KLF12: variants seen among roughly 807,000 people sequenced by gnomAD.
KLF12 encodes Krueppel-like factor 12.
Under a neutral mutation model 37.8 loss-of-function variants are expected in KLF12, and 9 were observed. That is an observed-to-expected ratio of 0.24 (90% confidence interval 0.14 to 0.42). The LOEUF is 0.42. Among genes scored for constraint, KLF12 ranks in the 10% least tolerant of loss-of-function variants. KLF12 has a pLI of 1.00. For missense variants in KLF12, 411 were observed against 516.0 expected (o/e 0.80, Z 1.97); for synonymous variants, 208 against 202.1 (o/e 1.03, Z -0.25).
intron 1 of KLF12, among the ~76,000 whole-genome samples, chr13:74,012,174 G>A (rs1016104298): frequency 6.6e-6 from 1 of 152,214 alleles, no homozygotes; most frequent in Non-Finnish European, 1.5e-5. Context: ...TGTGCAGAAT[G>A]TATTTGATGC....
At chr13:74,170,805 C>G in the KLF12 span, among the ~76,000 whole-genome samples, 1 of 152,218 alleles carries the variant, frequency 6.6e-6, no homozygotes, top group Non-Finnish European at 1.5e-5. Context: ...CACTCTGTCA[C>G]TCAGGCTGGA....
At chr13:73,924,862 T>C (rs1203321075) in intron 3 of KLF12, among the ~76,000 whole-genome samples, 1 of 152,204 alleles carries the variant, frequency 6.6e-6, no homozygotes, top group Non-Finnish European at 1.5e-5. Flanking sequence ...AACAACTTTA[T>C]TGCTGATATG....
chr13:73,936,226 T>C (rs1219089184), intron 3 of KLF12, among the ~76,000 whole-genome samples: 1 of 152,214 alleles, frequency 6.6e-6, no homozygotes, highest in African/African-American at 2.4e-5. Context: ...GTGTATTCTT[T>C]GGAGTGCATT....
At chr13:73,724,811 A>C (rs1178861246) in intron 6 of KLF12, among the ~76,000 whole-genome samples, 1 of 152,216 alleles carries the variant, frequency 6.6e-6, no homozygotes, top group Non-Finnish European at 1.5e-5. Flanking sequence ...GTTAGAGCTA[A>C]ACAGTGGGTT....
the KLF12 span, among the ~76,000 whole-genome samples, chr13:74,232,425 T>C: frequency 6.6e-6 from 1 of 152,228 alleles, no homozygotes; most frequent in South Asian, 2.1e-4. Context: ...TTGACCTTGA[T>C]AATTTATTCA....
intron 2 of KLF12, among the ~76,000 whole-genome samples, chr13:73,959,942 CT>C (rs951200388): frequency 2.6e-5 from 4 of 151,968 alleles, no homozygotes; most frequent in African/African-American, 7.3e-5. Context: ...AAAATGCAAG[CT>C]TTTTTTGTTT....
At chr13:74,005,755 T>C (rs887539862) in intron 1 of KLF12, among the ~76,000 whole-genome samples, 2 of 152,226 alleles carry the variant, frequency 1.3e-5, no homozygotes, top group Non-Finnish European at 2.9e-5. Flanking sequence ...TGGAGATCTT[T>C]ATAAATGGCA....
At chr13:73,824,217 AAGAG>A (rs1389945165) in intron 4 of KLF12, among the ~76,000 whole-genome samples, 2 of 152,236 alleles carry the variant, frequency 1.3e-5, no homozygotes, top group African/African-American at 4.8e-5. Flanking sequence ...CACACTTCAC[AAGAG>A]TTACTGTGCG....
chr13:74,038,897 T>C (rs1241240624), intron 1 of KLF12, among the ~76,000 whole-genome samples: 1 of 151,682 alleles, frequency 6.6e-6, no homozygotes, highest in African/African-American at 2.4e-5. Flanking sequence ...TTAGGGACGA[T>C]AACATCCCAG....
At chr13:74,045,013 G>A (rs1893503696) in intron 1 of KLF12, among the ~76,000 whole-genome samples, 1 of 152,118 alleles carries the variant, frequency 6.6e-6, no homozygotes. Flanking sequence ...TAGATAAGGG[G>A]GATGAGACAA....
chr13:74,018,790 T>C (rs1312528431), intron 1 of KLF12, among the ~76,000 whole-genome samples: 2 of 152,206 alleles, frequency 1.3e-5, no homozygotes, highest in Non-Finnish European at 2.9e-5. Flanking sequence ...GGGCCACTGT[T>C]CAGATCATTC....
At chr13:74,302,332 CA>C in the KLF12 span, among the ~76,000 whole-genome samples, 1 of 152,110 alleles carries the variant, frequency 6.6e-6, no homozygotes, top group Non-Finnish European at 1.5e-5. Context: ...ACTTCACTTA[CA>C]AAAATAATGG....
intron 5 of KLF12, chr13:73,801,642 G>T (rs2138346810): frequency 6.6e-6 from 1 of 152,152 alleles, no homozygotes; most frequent in Non-Finnish European, 1.5e-5. Flanking sequence ...AAAGCTACAG[G>T]AAGATATCAC....
chr13:73,787,361 A>G (rs998901401), intron 5 of KLF12, among the ~76,000 whole-genome samples: 3 of 152,226 alleles, frequency 2.0e-5, no homozygotes, highest in Non-Finnish European at 4.4e-5. Flanking sequence ...TCAGAGAGGC[A>G]AATTTGTACT....
intron 1 of KLF12, among the ~76,000 whole-genome samples, chr13:74,034,977 C>A (rs758176434): frequency 6.6e-6 from 1 of 152,194 alleles, no homozygotes; most frequent in Non-Finnish European, 1.5e-5. Context: ...CATCTGTAGT[C>A]AAATATTACT....
the KLF12 span, among the ~76,000 whole-genome samples, chr13:74,248,522 G>C: frequency 1.3e-5 from 2 of 152,190 alleles, no homozygotes; most frequent in African/African-American, 4.8e-5. Flanking sequence ...TATAATTTCA[G>C]CCAATGCTTA....
At position 73,846,037 on chromosome 13, in the gene KLF12, C is replaced by T. The variant is rs763915082; in HGVS notation, c.460G>A (p.Gly154Ser). Residue 154 changes from glycine (G) to serine (S), a missense_variant, in exon 4 of 8, where the codon GGT (glycine) becomes AGT (serine). By Grantham distance (56) the Gly-to-Ser change is moderately conservative. Around this residue, in one of 2 missense-constraint regions of KLF12, gnomAD observed 351 missense variants for 397.8 expected, o/e 0.88. Coordinates refer to ENST00000377669, the MANE Select transcript of KLF12 (RefSeq NM_007249.5). ...TGCAAAAACTGCTGGCCTCCAACAC[C>T]AGATGCAGAGGCCACAAGGGGCCCT... The T allele has an allele frequency of 8.7e-6, 14 of 1,613,998 alleles. No individual in the cohort carries two copies. Among genetic ancestry groups the T allele is most frequent in the Non-Finnish European group, 1.2e-5 (14 of 1,179,930 alleles).
rs1378859472 is a variant in KLF12 at position 73,691,232 on chromosome 13, G to A, written c.*4258C>T. 1.3e-5 allele frequency: 2 copies of A among 152,638 alleles called. No individual in the cohort carries two copies. The highest frequency in any genetic ancestry group is 2.9e-5 in the Non-Finnish European group (2 of 68,026). 9.5% of individuals were successfully genotyped at this position (152,638 alleles called of 1,614,324 possible). Reference sequence around the variant, plus strand: ...TGGGGCTGTCTGTACAGGTTAAGTGGAAGGCAGTGTGGGGATGAGTAGAAA... The same window carrying A: ...TGGGGCTGTCTGTACAGGTTAAGTGAAAGGCAGTGTGGGGATGAGTAGAAA... On this transcript the variant is annotated 3_prime_UTR_variant, in exon 8 of 8. Transcript: ENST00000377669.
At chr13:74,074,575 C>A (rs1259329938) in intron 1 of KLF12, among the ~76,000 whole-genome samples, 1 of 152,054 alleles carries the variant, frequency 6.6e-6, no homozygotes, top group Non-Finnish European at 1.5e-5. Flanking sequence ...GGCCTAATCA[C>A]CTCTTAAAGG....
Sources: gnomAD v4.1 joint callset for allele counts (sites outside exome capture counted in the v4.1 genomes callset) on GRCh38, gnomAD v4.1.1 for gene constraint, gnomAD v4.1.1 regional missense constraint, MANE v1.5 for transcripts, NCBI Gene and HGNC (gene_info 2026-07-23, HGNC 2026-07-21) for gene names.